CPED1: variants seen among roughly 807,000 people sequenced by gnomAD.
CPED1 encodes cadherin like and PC-esterase domain containing 1.
A neutral mutation model predicts 128.2 loss-of-function variants in CPED1; 114 were observed. The observed-to-expected ratio is 0.89, with a 90% confidence interval of 0.76 to 1.04. The LOEUF is 1.04. Among genes scored for constraint, CPED1 ranks in the 50% least tolerant of loss-of-function variants. CPED1 has a pLI of 0.00. For missense variants in CPED1, 1,211 were observed against 1,207.1 expected (o/e 1.00, Z -0.05); for synonymous variants, 462 against 426.7 (o/e 1.08, Z -1.02).
chr7:121,160,002 T>C (rs1796378417), intron 16 of CPED1, among the ~76,000 whole-genome samples: 1 of 152,224 alleles, frequency 6.6e-6, no homozygotes. Flanking sequence ...GCATATATAA[T>C]TTTTAAATTG....
intron 18 of CPED1, among the ~76,000 whole-genome samples, chr7:121,246,114 C>T (rs1798525290): frequency 6.6e-6 from 1 of 152,122 alleles, no homozygotes; most frequent in African/African-American, 2.4e-5. Context: ...CTCAGAATAC[C>T]ATTCTGACCT....
chr7:121,112,541 T>C (rs781045809), intron 7 of CPED1, among the ~76,000 whole-genome samples: 48 of 152,200 alleles, frequency 3.2e-4, no homozygotes, highest in African/African-American at 1.0e-3. Flanking sequence ...AGAGGGAACG[T>C]GGCCATGTGG....
intron 16 of CPED1, among the ~76,000 whole-genome samples, chr7:121,227,942 T>C (rs184670493): frequency 3.3e-4 from 50 of 152,134 alleles, no homozygotes; most frequent in African/African-American, 1.1e-3. Context: ...AATAAACTTA[T>C]AGCAGAACAG....
intron 16 of CPED1, among the ~76,000 whole-genome samples, chr7:121,184,902 A>T (rs886809418): frequency 9.8e-5 from 15 of 152,298 alleles, no homozygotes; most frequent in Non-Finnish European, 1.9e-4. Flanking sequence ...TGAAAGCATA[A>T]AAATAATTGT....
At chr7:121,227,121 C>A (rs1584613355) in intron 16 of CPED1, among the ~76,000 whole-genome samples, 2 of 152,146 alleles carry the variant, frequency 1.3e-5, no homozygotes, top group Admixed American at 1.3e-4. Flanking sequence ...TATTGGAGGT[C>A]ATTCCAGTGC....
At position 121,107,278 on chromosome 7, in the gene CPED1, C is replaced by T. The variant is rs563231196; in HGVS notation, c.918+7184C>T. On this transcript the variant is annotated intron_variant, in intron 7 of 22. Coordinates refer to ENST00000310396, the MANE Select transcript of CPED1 (RefSeq NM_024913.5). ...CTTTAACAACAAGGCTTAACTTTTT[C>T]ATCACTGTGGTAATGTTAAATATCT... is the stretch of plus-strand genomic sequence containing the variant. 8.3e-4 allele frequency among the ~76,000 whole-genome samples: 126 copies of T among 152,198 alleles called. 2 individuals are homozygous for T. The highest frequency in any genetic ancestry group is 1.6e-4 in the Non-Finnish European group (11 of 67,998).
chr7:121,108,948 A>T (rs11772695), intron 7 of CPED1, among the ~76,000 whole-genome samples: 1,692 of 152,240 alleles, frequency 0.011, 15 homozygotes, highest in Middle Eastern at 0.02. Context: ...TTTTAAACTT[A>T]CTACACAATA....
chr7:121,122,139 A>ATTT (rs34817474), intron 7 of CPED1, among the ~76,000 whole-genome samples: 1,443 of 127,256 alleles, frequency 0.011, 73 homozygotes, highest in African/African-American at 0.025. Flanking sequence ...ACTCATCTGG[A>ATTT]TTTTTTTTTT....
intron 16 of CPED1, among the ~76,000 whole-genome samples, chr7:121,213,205 T>A (rs1797685970): frequency 6.6e-6 from 1 of 152,028 alleles, no homozygotes; most frequent in Non-Finnish European, 1.5e-5. Flanking sequence ...TTTTTCAGTC[T>A]ATGAAGCATG....
At chr7:121,186,301 A>G (rs1291534790) in intron 16 of CPED1, among the ~76,000 whole-genome samples, 1 of 152,144 alleles carries the variant, frequency 6.6e-6, no homozygotes, top group Non-Finnish European at 1.5e-5. Flanking sequence ...TATGCATGGG[A>G]ATTTATAGAA....
At chr7:121,109,191 C>A (rs954526453) in intron 7 of CPED1, among the ~76,000 whole-genome samples, 2 of 152,092 alleles carry the variant, frequency 1.3e-5, no homozygotes, top group Admixed American at 6.6e-5. Flanking sequence ...GAAATGGATT[C>A]TCTCCCAGGA....
intron 4 of CPED1, among the ~76,000 whole-genome samples, chr7:121,063,754 T>G (rs1793747969): frequency 1.3e-5 from 2 of 152,280 alleles, no homozygotes; most frequent in South Asian, 4.1e-4. Context: ...TATTTGAATT[T>G]ATGATAATAT....
At chr7:121,171,172 T>G (rs1796642358) in intron 16 of CPED1, among the ~76,000 whole-genome samples, 1 of 152,306 alleles carries the variant, frequency 6.6e-6, no homozygotes, top group Non-Finnish European at 1.5e-5. Context: ...AAGTGATTGT[T>G]AAATAATTTC....
intron 15 of CPED1, 46 bp from the exon 16 acceptor site, chr7:121,141,927 A>G (rs748570788): frequency 2.6e-6 from 4 of 1,511,300 alleles, no homozygotes; most frequent in South Asian, 2.3e-5. Context: ...GGCTGAATAA[A>G]TCTCCCCTAT....
At chr7:121,228,270 C>G (rs866501908) in intron 16 of CPED1, among the ~76,000 whole-genome samples, 2 of 151,816 alleles carry the variant, frequency 1.3e-5, no homozygotes, top group African/African-American at 4.8e-5. Flanking sequence ...CTAGAATACA[C>G]AAGGAACTCA....
At chr7:121,197,542 A>G (rs1264190231) in intron 16 of CPED1, among the ~76,000 whole-genome samples, 1 of 152,118 alleles carries the variant, frequency 6.6e-6, no homozygotes, top group Non-Finnish European at 1.5e-5. Flanking sequence ...AGGTTAAGTA[A>G]TGCCCCATGT....
At chr7:121,088,758 ATTGGC>A in intron 5 of CPED1, among the ~76,000 whole-genome samples, 1 of 131,224 alleles carries the variant, frequency 7.6e-6, no homozygotes, top group Non-Finnish European at 1.6e-5. Context: ...CTAGGCAAAA[ATTGGC>A]AAAAAAAAAA....
intron 16 of CPED1, among the ~76,000 whole-genome samples, chr7:121,192,088 T>C (rs983482025): frequency 6.6e-6 from 1 of 152,132 alleles, no homozygotes; most frequent in African/African-American, 2.4e-5. Flanking sequence ...TCTGTGAAGC[T>C]TTGCCATTAT....
At chr7:121,079,295 CT>C (rs1794220404) in intron 5 of CPED1, among the ~76,000 whole-genome samples, 1 of 152,156 alleles carries the variant, frequency 6.6e-6, no homozygotes, top group Non-Finnish European at 1.5e-5. Flanking sequence ...GAAAGAGACA[CT>C]GGACAAAAAC....
Sources: allele counts gnomAD v4.1 joint callset (sites outside exome capture counted in the v4.1 genomes callset), GRCh38; gene constraint gnomAD v4.1.1; transcripts MANE v1.5; gene names NCBI Gene and HGNC (gene_info 2026-07-23, HGNC 2026-07-21).